The following TLN2 variants were observed in gnomAD, a reference collection of about 807,000 sequenced individuals.
The protein encoded by TLN2 is talin 2.
TLN2 carries 118 observed loss-of-function variants against 294.7 expected under a neutral mutation model. The observed-to-expected ratio is 0.40, with a 90% CI of 0.34 to 0.47. The LOEUF is 0.47. Ranked by LOEUF, TLN2 falls within the 20% of genes least tolerant of loss-of-function variation. The pLI, the probability that TLN2 is intolerant of heterozygous loss-of-function variation, is 0.84. For synonymous variants in TLN2, 1,431 were observed against 1,304.5 expected (o/e 1.10, Z -2.09); for missense variants, 3,083 against 3,282.2 (o/e 0.94, Z 1.48).
rs960295797 is a variant in TLN2 at position 62,648,352 on chromosome 15, C to T, written c.136+906C>T. ...CCCAGGAGTTTATGGCTGCAGCAAG[C>T]CATGATCCAGCCACTGCACTCCAGC... On this transcript the variant is annotated intron_variant, in intron 4 of 58. Transcript: ENST00000636159. Among the ~76,000 whole-genome samples the T allele has an allele frequency of 5.6e-5, 8 of 142,028 alleles. No homozygotes were observed. In the East Asian group the frequency reaches 1.0e-3, roughly 18 times the overall value. The allele number at this position is 142,028 out of a possible 152,430, so 93.2% of individuals were successfully genotyped here.
chr15:62,707,041 G>C (rs191526821), intron 19 of TLN2, 45 bp from the exon 20 acceptor site: 2 of 1,558,700 alleles, frequency 1.3e-6, no homozygotes, highest in Non-Finnish European at 1.7e-6. Flanking sequence ...TGTGAAAGGT[G>C]ATTAGAGAAA....
At chr15:62,819,808 A>G (rs2067413134) in intron 53 of TLN2, among the ~76,000 whole-genome samples, 187 bp downstream of exon 53, 1 of 152,252 alleles carries the variant, frequency 6.6e-6, no homozygotes, top group African/African-American at 2.4e-5. Context: ...TCCTCCCTGA[A>G]GCAAGTCTTT....
chr15:62,588,458 A>G (rs898342597), intron 1 of TLN2, among the ~76,000 whole-genome samples: 1 of 151,186 alleles, frequency 6.6e-6, no homozygotes, highest in Admixed American at 6.6e-5. Flanking sequence ...CAACGTAGTA[A>G]AACCCCGTCT....
chr15:62,717,171 TG>T (rs1438111883), intron 23 of TLN2, among the ~76,000 whole-genome samples: 6 of 152,212 alleles, frequency 3.9e-5, no homozygotes, highest in Non-Finnish European at 8.8e-5. Context: ...CTAAGGCTTC[TG>T]AGTGCTGAGA....
chr15:62,746,270 G>A (rs1282015769), intron 32 of TLN2, among the ~76,000 whole-genome samples: 2 of 152,126 alleles, frequency 1.3e-5, no homozygotes, highest in Non-Finnish European at 2.9e-5. Context: ...TCTCAGAAGC[G>A]TGTCTCAAGG....
chr15:62,561,240 T>C (rs568588880), intron 1 of TLN2: 1 of 152,298 alleles, frequency 6.6e-6, no homozygotes, highest in Admixed American at 6.5e-5. Flanking sequence ...AAGCGTGATA[T>C]TGTAATAAAT....
chr15:62,692,617 T>G (rs569241037), intron 12 of TLN2, among the ~76,000 whole-genome samples: 1 of 152,320 alleles, frequency 6.6e-6, no homozygotes, highest in South Asian at 2.1e-4. Context: ...CATTGTGGTT[T>G]TGCAAGTTCT....
rs375504846 is a variant in TLN2, at chr15:62,446,069, C to T, written c.-238+55384C>T. ...TCGCCCGGGCTGGAGTGCAGTGGCT[C>T]GATCTCCACTCACTGCAAGCTCCGC... On this transcript the variant is annotated intron_variant, in intron 1 of 58. Transcript: ENST00000636159. 8.3e-4 allele frequency among the ~76,000 whole-genome samples: 126 copies of T among 151,040 alleles called. 1 individual carries two copies. Among genetic ancestry groups the T allele is most frequent in the African/African-American group, 2.8e-3 (117 of 41,060 alleles).
intron 1 of TLN2, among the ~76,000 whole-genome samples, chr15:62,546,594 A>C (rs550803756): frequency 6.6e-6 from 1 of 152,288 alleles, no homozygotes; most frequent in South Asian, 2.1e-4. Flanking sequence ...TTTTCTATCC[A>C]GTTGCAAGGA....
intron 2 of TLN2, among the ~76,000 whole-genome samples, chr15:62,593,691 G>T (rs1479232737): frequency 6.6e-6 from 1 of 152,062 alleles, no homozygotes. Flanking sequence ...TTCCATACTG[G>T]GAAGATCTAA....
intron 54 of TLN2, 84 bp from the exon 55 acceptor site, chr15:62,833,420 A>T (rs1380935661): frequency 6.5e-7 from 1 of 1,543,714 alleles, no homozygotes; most frequent in Non-Finnish European, 8.8e-7. Context: ...GTGAAGAGCC[A>T]GGTGACCCGG....
intron 54 of TLN2, chr15:62,830,083 C>T (rs918710503): frequency 1.6e-4 from 24 of 152,192 alleles, no homozygotes; most frequent in African/African-American, 5.5e-4. Context: ...TAAATAGCCA[C>T]ATGCACAGGA....
intron 50 of TLN2, among the ~76,000 whole-genome samples, chr15:62,805,320 G>A (rs769827576): frequency 6.6e-6 from 1 of 152,070 alleles, no homozygotes; most frequent in Non-Finnish European, 1.5e-5. Flanking sequence ...GTAAATATTG[G>A]GTGTCAGTTT....
intron 28 of TLN2, among the ~76,000 whole-genome samples, chr15:62,736,307 C>T (rs1466878025): frequency 6.8e-6 from 1 of 147,866 alleles, no homozygotes; most frequent in Non-Finnish European, 1.5e-5. Flanking sequence ...GCGACAGAGA[C>T]TCTGTCTCAA....
At chr15:62,754,918 C>G (rs542566994) in intron 36 of TLN2, 1 of 152,336 alleles carries the variant, frequency 6.6e-6, no homozygotes, top group Non-Finnish European at 1.5e-5. Context: ...TTTTTGTCAT[C>G]TGGATCTGGG....
chr15:62,469,052 G>T lies in TLN2; in HGVS notation c.-238+78367G>T, dbSNP rs2037317594. ...GATAATTTACAATGTTTTCGTGAAGGCAGGAGTAGGTGGTAGAGGGGGTTT... is the reference window on the plus strand; with the variant it reads ...GATAATTTACAATGTTTTCGTGAAGTCAGGAGTAGGTGGTAGAGGGGGTTT... On this transcript the variant is annotated intron_variant, in intron 1 of 58. Coordinates refer to ENST00000636159, the MANE Select transcript of TLN2 (RefSeq NM_015059.3). 2.0e-5 allele frequency among the ~76,000 whole-genome samples: 3 copies of T among 152,346 alleles called. No homozygotes were observed. The South Asian group carries it at 6.2e-4, about 32-fold the overall frequency.
intron 37 of TLN2, among the ~76,000 whole-genome samples, chr15:62,756,719 C>G (rs906141810): frequency 1.3e-5 from 2 of 152,104 alleles, no homozygotes; most frequent in African/African-American, 4.8e-5. Flanking sequence ...CACTGCACAC[C>G]TCATTTTGTT....
chr15:62,691,953 T>C (rs956540895), intron 12 of TLN2, among the ~76,000 whole-genome samples: 1 of 152,162 alleles, frequency 6.6e-6, no homozygotes, highest in African/African-American at 2.4e-5. Context: ...GGATCACAGG[T>C]ATGAGCACTG....
chr15:62,470,130 C>T (rs1277907521), intron 1 of TLN2, among the ~76,000 whole-genome samples: 1 of 152,224 alleles, frequency 6.6e-6, no homozygotes, highest in African/African-American at 2.4e-5. Flanking sequence ...AAAATGATCT[C>T]ATGCCCCTTT....
Sources: allele counts gnomAD v4.1 joint callset (sites outside exome capture counted in the v4.1 genomes callset), GRCh38; gene constraint gnomAD v4.1.1; transcripts MANE v1.5; gene names NCBI Gene and HGNC (gene_info 2026-07-23, HGNC 2026-07-21).